The following DCAF6 variants were observed in gnomAD, a reference collection of about 807,000 sequenced individuals.
The protein encoded by DCAF6 is DDB1- and CUL4-associated factor 6.
A neutral mutation model predicts 125.1 loss-of-function variants in DCAF6; 54 were observed. The ratio of observed to expected loss-of-function variants is 0.43; its 90% confidence interval spans 0.35 to 0.54. The LOEUF (loss-of-function observed/expected upper bound fraction) is 0.54. Among genes scored for constraint, DCAF6 ranks in the 20% least tolerant of loss-of-function variants. The probability of loss-of-function intolerance (pLI) is 0.01; values close to 1 mark genes in which losing one functional copy is unlikely to be tolerated. For missense variants in DCAF6, 934 were observed against 1,161.7 expected (o/e 0.80, Z 2.85); for synonymous variants, 371 against 390.4 (o/e 0.95, Z 0.58).
the DCAF6 span, among the ~76,000 whole-genome samples, chr1:167,919,237 A>G: frequency 6.6e-6 from 1 of 152,168 alleles, no homozygotes; most frequent in African/African-American, 2.4e-5. Context: ...CATTTCCTCA[A>G]TTCTCAATCC....
the DCAF6 span, among the ~76,000 whole-genome samples, chr1:167,884,087 A>C: frequency 1.3e-5 from 2 of 152,196 alleles, no homozygotes; most frequent in African/African-American, 4.8e-5. Flanking sequence ...TCAAGCATTT[A>C]TCCTTTGTGT....
chr1:168,024,804 CA>C (rs76178208), intron 12 of DCAF6, among the ~76,000 whole-genome samples: 4,731 of 74,898 alleles, frequency 0.063, 221 homozygotes, highest in African/African-American at 0.18. Flanking sequence ...ACTCTGTATC[CA>C]AAAAAAAAAA....
chr1:167,990,975 G>A (rs2103006256), intron 5 of DCAF6, among the ~76,000 whole-genome samples: 1 of 152,058 alleles, frequency 6.6e-6, no homozygotes, highest in East Asian at 1.9e-4. Flanking sequence ...TATTGATTGA[G>A]TATATTTATT....
At chr1:168,068,633 G>A (rs1692649030) in intron 21 of DCAF6, among the ~76,000 whole-genome samples, 170 bp downstream of exon 21, 1 of 152,094 alleles carries the variant, frequency 6.6e-6, no homozygotes, top group Admixed American at 6.6e-5. Context: ...CAGTAACTTA[G>A]TTCCTCATGA....
the DCAF6 span, chr1:167,883,308 G>C: frequency 5.9e-6 from 6 of 1,009,598 alleles, no homozygotes; most frequent in Middle Eastern, 2.4e-4. Flanking sequence ...AAAGAGCTGG[G>C]ATTACAGGCG....
intron 10 of DCAF6, among the ~76,000 whole-genome samples, chr1:168,009,397 TTCTTTC>T (rs1311538316): frequency 3.9e-4 from 55 of 140,532 alleles, no homozygotes; most frequent in African/African-American, 1.6e-3. Context: ...CTTTCTTTCT[TTCTTTC>T]TCTCTCTCTC....
At chr1:167,937,493 C>T (rs553010665) in intron 1 of DCAF6, among the ~76,000 whole-genome samples, 8 of 152,232 alleles carry the variant, frequency 5.3e-5, no homozygotes, top group South Asian at 2.1e-4. Context: ...AGACAGAATC[C>T]GTGTAAACTG....
At chr1:167,864,773 G>C in the DCAF6 span, among the ~76,000 whole-genome samples, 1 of 152,088 alleles carries the variant, frequency 6.6e-6, no homozygotes, top group East Asian at 1.9e-4. Flanking sequence ...CCACTTTGTT[G>C]TTAGTGTAAA....
the DCAF6 span, chr1:167,916,897 C>G: frequency 6.6e-6 from 1 of 152,190 alleles, no homozygotes; most frequent in Non-Finnish European, 1.5e-5. Flanking sequence ...TCTTCAGAAC[C>G]TCTTCATTGT....
intron 2 of DCAF6, among the ~76,000 whole-genome samples, chr1:167,954,088 C>T (rs1674390895): frequency 6.6e-6 from 1 of 151,844 alleles, no homozygotes; most frequent in African/African-American, 2.4e-5. Flanking sequence ...CTCACTGCAA[C>T]CTCCACCTCC....
chr1:167,918,973 G>T, the DCAF6 span, among the ~76,000 whole-genome samples: 1 of 152,010 alleles, frequency 6.6e-6, no homozygotes, highest in African/African-American at 2.4e-5. Flanking sequence ...TCTCATTCTG[G>T]AATTCTACAA....
intron 16 of DCAF6, among the ~76,000 whole-genome samples, chr1:168,049,302 G>A (rs562243433): frequency 6.6e-6 from 1 of 152,054 alleles, no homozygotes; most frequent in Non-Finnish European, 1.5e-5. Flanking sequence ...GAGTGCAGTG[G>A]TATGATCATA....
intron 1 of DCAF6, among the ~76,000 whole-genome samples, chr1:167,948,019 A>G: frequency 6.6e-6 from 1 of 152,066 alleles, no homozygotes; most frequent in East Asian, 1.9e-4. Flanking sequence ...TAGGTCTAGT[A>G]ATACTTGTTT....
chr1:168,004,221 G>T (rs1683029094), intron 9 of DCAF6, among the ~76,000 whole-genome samples: 1 of 152,088 alleles, frequency 6.6e-6, no homozygotes, highest in Non-Finnish European at 1.5e-5. Flanking sequence ...TAAAGTAGAA[G>T]AATCTGAGGT....
Position 167,936,799 on chromosome 1 carries a change from G to C in DCAF6, c.-113G>C, listed in dbSNP as rs1671294615. The C allele has an allele frequency of 1.3e-5, 12 of 953,186 alleles. No individual in the cohort carries two copies. In the South Asian group the frequency reaches 1.7e-4, roughly 13 times the overall value. The allele number at this position is 953,186 out of a possible 1,614,324, so 59.0% of individuals were successfully genotyped here. A position where few individuals can be genotyped will look rare whatever the true frequency, so the allele number is the denominator to read the frequency against. The stretch of plus-strand genomic sequence containing the variant: ...CCGCCATCTAACGCTGCGCCCTGGA[G>C]GCCCGGCGCGCGGATGGTGCCGGTG... On this transcript the variant is annotated 5_prime_UTR_variant, in exon 1 of 22. Coordinates refer to ENST00000367840, the MANE Select transcript of DCAF6 (RefSeq NM_001198956.2).
At chr1:167,972,593 A>G (rs374626983) in intron 3 of DCAF6, among the ~76,000 whole-genome samples, 81 of 152,324 alleles carry the variant, frequency 5.3e-4, no homozygotes, top group African/African-American at 1.5e-3. Flanking sequence ...AGAGGGAAAG[A>G]TGACTCAGGC....
intron 17 of DCAF6, among the ~76,000 whole-genome samples, chr1:168,051,474 A>G (rs1218232718): frequency 6.6e-6 from 1 of 152,240 alleles, no homozygotes; most frequent in Non-Finnish European, 1.5e-5. Flanking sequence ...TATTTGGGAC[A>G]TATTTTTGAG....
intron 3 of DCAF6, 31 bp downstream of exon 3, chr1:167,966,752 T>C (rs1676473992): frequency 7.5e-7 from 1 of 1,336,074 alleles, no homozygotes; most frequent in Non-Finnish European, 1.1e-6. Flanking sequence ...TGTAATTTAA[T>C]GAGAGAAAAA....
chr1:168,036,712 A>C (rs529066720), intron 12 of DCAF6, among the ~76,000 whole-genome samples: 1 of 143,444 alleles, frequency 7.0e-6, no homozygotes, highest in Non-Finnish European at 1.5e-5. Context: ...CTAAAGGTCT[A>C]TTAATTCAGT....
Sources: allele counts gnomAD v4.1 joint callset (sites outside exome capture counted in the v4.1 genomes callset), GRCh38; gene constraint gnomAD v4.1.1; transcripts MANE v1.5; gene names NCBI Gene and HGNC (gene_info 2026-07-23, HGNC 2026-07-21).